The following GLIS3 variants were observed in gnomAD, a reference collection of about 807,000 sequenced individuals.
GLIS3 encodes the protein zinc finger protein GLIS3.
In GLIS3, 53 loss-of-function variants were observed where a neutral mutation model predicts 78.6. That is an observed-to-expected ratio of 0.67 (90% CI 0.54 to 0.85). The LOEUF is 0.85. Ranked by LOEUF, GLIS3 falls within the 40% of genes least tolerant of loss-of-function variation. The pLI is 0.00. For missense variants in GLIS3, 1,703 were observed against 1,231.1 expected (o/e 1.38, Z -5.74); for synonymous variants, 684 against 509.9 (o/e 1.34, Z -4.60).
chr9:4,416,634 C>A, the GLIS3 span, among the ~76,000 whole-genome samples: 1 of 152,042 alleles, frequency 6.6e-6, no homozygotes, highest in African/African-American at 2.4e-5. Context: ...GACTCCAAGA[C>A]TTCCTTAAAT....
intron 4 of GLIS3, among the ~76,000 whole-genome samples, chr9:3,970,038 C>A (rs926191846): frequency 6.6e-6 from 1 of 152,202 alleles, no homozygotes; most frequent in African/African-American, 2.4e-5. Context: ...TCACTGCATT[C>A]ACACACAACC....
chr9:4,082,098 T>C (rs754711540), intron 4 of GLIS3, among the ~76,000 whole-genome samples: 6 of 152,232 alleles, frequency 3.9e-5, no homozygotes, highest in Non-Finnish European at 7.3e-5. Context: ...TAATGCACTA[T>C]GGTGTCTTAG....
intron 4 of GLIS3, among the ~76,000 whole-genome samples, chr9:3,959,152 G>A (rs561819415): frequency 8.5e-5 from 13 of 152,252 alleles, no homozygotes; most frequent in African/African-American, 2.9e-4. Context: ...AGGCCACGAG[G>A]GCATTCTGCA....
upstream of GLIS3, among the ~76,000 whole-genome samples, chr9:4,301,715 T>C (rs1344911740): frequency 1.3e-5 from 2 of 152,186 alleles, no homozygotes; most frequent in Non-Finnish European, 2.9e-5. Flanking sequence ...AATGGTATCC[T>C]AGGGGCTTGC....
intron 2 of GLIS3, among the ~76,000 whole-genome samples, chr9:4,260,793 C>G (rs1825451899): frequency 6.6e-6 from 1 of 152,014 alleles, no homozygotes; most frequent in Non-Finnish European, 1.5e-5. Flanking sequence ...AACACTTGCT[C>G]CATTCACTCA....
intron 4 of GLIS3, among the ~76,000 whole-genome samples, chr9:4,020,589 T>C (rs1189925764): frequency 6.6e-6 from 1 of 152,240 alleles, no homozygotes; most frequent in Non-Finnish European, 1.5e-5. Flanking sequence ...ACCACATACT[T>C]ATGCAGTGAC....
At chr9:4,307,343 A>G (rs1258869875) in intron 4 of GLIS3, among the ~76,000 whole-genome samples, 2 of 152,188 alleles carry the variant, frequency 1.3e-5, no homozygotes, top group African/African-American at 4.8e-5. Flanking sequence ...TGTATAAATT[A>G]TACATGTAAT....
the GLIS3 span, among the ~76,000 whole-genome samples, chr9:4,475,087 G>T: frequency 9.0e-4 from 132 of 146,408 alleles, 1 homozygote; most frequent in Admixed American, 3.2e-3. Context: ...TCTGCCTCCT[G>T]GGTTCAGGTG....
At chr9:4,256,005 T>C (rs1041202659) in intron 2 of GLIS3, among the ~76,000 whole-genome samples, 3 of 152,304 alleles carry the variant, frequency 2.0e-5, no homozygotes, top group East Asian at 1.9e-4. Flanking sequence ...AATTTTGCTG[T>C]GAACCTAAAA....
intron 9 of GLIS3, among the ~76,000 whole-genome samples, chr9:3,842,126 C>T (rs1818757145): frequency 6.6e-6 from 1 of 152,172 alleles, no homozygotes. Context: ...CATCTCAATT[C>T]CCTTCAGCCT....
intron 2 of GLIS3, among the ~76,000 whole-genome samples, chr9:4,248,454 G>A (rs900571974): frequency 6.6e-6 from 1 of 152,164 alleles, no homozygotes; most frequent in African/African-American, 2.4e-5. Context: ...ATTCCATGGT[G>A]TATATGTGCC....
At chr9:3,897,292 T>C (rs1288799911) in intron 7 of GLIS3, among the ~76,000 whole-genome samples, 3 of 152,204 alleles carry the variant, frequency 2.0e-5, no homozygotes, top group Admixed American at 6.5e-5. Flanking sequence ...AGTAAGATCA[T>C]AGATTAATGA....
the GLIS3 span, among the ~76,000 whole-genome samples, chr9:4,467,411 A>C: frequency 6.6e-6 from 1 of 152,168 alleles, no homozygotes; most frequent in Non-Finnish European, 1.5e-5. Flanking sequence ...TCATATGGCC[A>C]CAGGACCCTC....
intron 2 of GLIS3, among the ~76,000 whole-genome samples, chr9:4,225,904 C>G (rs1821729012): frequency 6.6e-6 from 1 of 152,082 alleles, no homozygotes. Flanking sequence ...TCAAAGCAAC[C>G]CACAACATTT....
At chr9:4,115,358 G>C (rs1400924913) in intron 4 of GLIS3, among the ~76,000 whole-genome samples, 1 of 152,104 alleles carries the variant, frequency 6.6e-6, no homozygotes, top group Non-Finnish European at 1.5e-5. Context: ...AAAGAAGAAT[G>C]TGGCCATTTT....
chr9:4,239,595 C>A (rs1303503645), intron 2 of GLIS3, among the ~76,000 whole-genome samples: 1 of 152,188 alleles, frequency 6.6e-6, no homozygotes, highest in African/African-American at 2.4e-5. Context: ...TGTGCTCTAG[C>A]TTTCTATAAA....
the GLIS3 span, among the ~76,000 whole-genome samples, chr9:4,440,284 C>A: frequency 6.6e-6 from 1 of 152,110 alleles, no homozygotes; most frequent in Non-Finnish European, 1.5e-5. Flanking sequence ...TGTCATGAAG[C>A]ATTTCTCCAA....
chr9:3,965,215 G>A, intron 4 of GLIS3, among the ~76,000 whole-genome samples: 1 of 31,868 alleles, frequency 3.1e-5, no homozygotes, highest in African/African-American at 1.3e-4. Flanking sequence ...TTTTTTTTGA[G>A]ACAGAGTCTC....
intron 4 of GLIS3, among the ~76,000 whole-genome samples, chr9:3,970,356 G>A (rs527776058): frequency 3.3e-5 from 5 of 152,166 alleles, no homozygotes; most frequent in East Asian, 1.9e-4. Context: ...AAGATGAATC[G>A]TGTTGATTAT....
Sources: allele counts gnomAD v4.1 joint callset (sites outside exome capture counted in the v4.1 genomes callset), GRCh38; gene constraint gnomAD v4.1.1; transcripts MANE v1.5; gene names NCBI Gene and HGNC (gene_info 2026-07-23, HGNC 2026-07-21).